Variants in PLB1 observed in about 807,000 individuals in gnomAD.
The protein encoded by PLB1 is phospholipase B1, membrane-associated.
Under a neutral mutation model 227.4 loss-of-function variants are expected in PLB1, and 242 were observed. That is an observed-to-expected ratio of 1.06 (90% CI 0.96 to 1.18). PLB1 has a LOEUF of 1.18. Among genes scored for constraint, PLB1 ranks in the 50% most tolerant of loss-of-function variants. PLB1 has a pLI of 0.00. For synonymous variants in PLB1, 757 were observed against 682.2 expected (o/e 1.11, Z -1.71); for missense variants, 1,858 against 1,816.3 (o/e 1.02, Z -0.42).
At chr2:28,542,171 G>A (rs1276255051) in intron 13 of PLB1, among the ~76,000 whole-genome samples, 1 of 151,928 alleles carries the variant, frequency 6.6e-6, no homozygotes, top group Non-Finnish European at 1.5e-5. Context: ...GTGGTGGGGA[G>A]GAGGCCTGGG....
intron 18 of PLB1, 103 bp downstream of exon 18, chr2:28,563,202 A>G: frequency 8.7e-7 from 1 of 1,154,776 alleles, no homozygotes; most frequent in South Asian, 1.3e-5. Context: ...CCTGGCTCTT[A>G]GATGCTACCA....
At chr2:28,583,999 G>A (rs559386805) in intron 25 of PLB1, among the ~76,000 whole-genome samples, 5 of 152,254 alleles carry the variant, frequency 3.3e-5, no homozygotes, top group African/African-American at 1.2e-4. Context: ...CTTCCTTCCT[G>A]CAGGTTTTCC....
At chr2:28,515,311 G>A (rs1398795535) in intron 1 of PLB1, among the ~76,000 whole-genome samples, 1 of 152,104 alleles carries the variant, frequency 6.6e-6, no homozygotes, top group Non-Finnish European at 1.5e-5. Context: ...TGGCATTTGT[G>A]GCTCCCCAGC....
At chr2:28,579,468 A>G (rs1029341788) in intron 22 of PLB1, among the ~76,000 whole-genome samples, 159 bp from the exon 23 acceptor site, 2 of 152,200 alleles carry the variant, frequency 1.3e-5, no homozygotes, top group African/African-American at 4.8e-5. Flanking sequence ...TTTAGCACCT[A>G]TGATCTCAGG....
At chr2:28,601,809 G>T (rs1168034018) in intron 37 of PLB1, 90 bp from the exon 38 acceptor site, 2 of 1,142,006 alleles carry the variant, frequency 1.8e-6, no homozygotes, top group Non-Finnish European at 2.6e-6. Context: ...CAAGTCCTCA[G>T]GGCTGGAGCC....
intron 1 of PLB1, among the ~76,000 whole-genome samples, chr2:28,506,705 A>G (rs1291974440): frequency 1.3e-5 from 2 of 152,128 alleles, no homozygotes; most frequent in Non-Finnish European, 2.9e-5. Context: ...GAGTGGCATG[A>G]CGCAAGTGGT....
At chr2:28,586,088 G>C (rs779842938) in intron 26 of PLB1, among the ~76,000 whole-genome samples, 1 of 152,140 alleles carries the variant, frequency 6.6e-6, no homozygotes, top group Non-Finnish European at 1.5e-5. Flanking sequence ...TAAATGAAAC[G>C]AACGTTTCCA....
At chr2:28,541,342 G>A (rs998223068) in intron 12 of PLB1, among the ~76,000 whole-genome samples, 7 of 152,168 alleles carry the variant, frequency 4.6e-5, no homozygotes, top group Admixed American at 1.3e-4. Context: ...TATCTCTCTC[G>A]CTCTGGAAAT....
chr2:28,613,927 A>G lies in PLB1; in HGVS notation c.3130-104A>G, dbSNP rs988012449. On this transcript the variant is annotated intron_variant, in intron 43 of 57. Transcript: ENST00000327757. Reference sequence around the variant, plus strand: ...GTTCTTTCTATATAAGTGCAGAAGAATCATGTTAAATAAATCTACAGGGCA... The same window carrying G: ...GTTCTTTCTATATAAGTGCAGAAGAGTCATGTTAAATAAATCTACAGGGCA... The G allele has an allele frequency of 4.3e-6, 4 of 925,228 alleles. No homozygotes were observed. In the African/African-American group the frequency reaches 6.6e-5, roughly 15 times the overall value. 57.3% of individuals were successfully genotyped at this position (925,228 alleles called of 1,614,324 possible).
At chr2:28,538,425 A>ATT (rs1469581177) in intron 10 of PLB1, 44 bp downstream of exon 10, 1 of 1,565,904 alleles carries the variant, frequency 6.4e-7, no homozygotes, top group South Asian at 1.1e-5. Flanking sequence ...AGTGGGGCCC[A>ATT]TTTACCCTCA....
At chr2:28,600,314 A>G (rs557448912) in intron 35 of PLB1, among the ~76,000 whole-genome samples, 1 of 152,364 alleles carries the variant, frequency 6.6e-6, no homozygotes, top group Non-Finnish European at 1.5e-5. Flanking sequence ...AATATACGTA[A>G]GAGAAAAATC....
At position 28,602,858 on chromosome 2, in the gene PLB1, A is replaced by T; in HGVS notation, c.2711A>T (p.Asn904Ile). 6.2e-7 allele frequency: 1 copy of T among 1,614,062 alleles called. No homozygotes were observed. The highest frequency in any genetic ancestry group is 8.5e-7 in the Non-Finnish European group (1 of 1,179,984). Residue 904 changes from asparagine to isoleucine, a missense_variant, in exon 39 of 58, where the codon AAC becomes ATC. Physicochemically the swap from Asn to Ile is moderately radical, Grantham distance 149 (BLOSUM62 -3). Transcript: ENST00000327757. ...CTGGTCAACCTCGTGGACTTCCTGA[A>T]CCCCACTATCATGCGGCAGGTGTTC... is the stretch of plus-strand genomic sequence containing the variant. ...RVLVNLVDFLNPTIMRQVFLG... is the reference protein window; with the variant it reads ...RVLVNLVDFLIPTIMRQVFLG...
intron 25 of PLB1, among the ~76,000 whole-genome samples, chr2:28,584,075 G>A (rs921238584): frequency 3.3e-5 from 5 of 152,032 alleles, no homozygotes; most frequent in South Asian, 4.1e-4. Context: ...TCTGTTACTC[G>A]GTACAGGTCC....
intron 4 of PLB1, among the ~76,000 whole-genome samples, chr2:28,521,068 C>T (rs1028113485): frequency 1.3e-5 from 2 of 152,182 alleles, no homozygotes; most frequent in African/African-American, 2.4e-5. Context: ...CTTCACTTAG[C>T]ATAATGTCCT....
intron 51 of PLB1, among the ~76,000 whole-genome samples, chr2:28,627,132 A>G (rs1221529590): frequency 6.6e-6 from 1 of 152,196 alleles, no homozygotes; most frequent in Non-Finnish European, 1.5e-5. Context: ...TGACAGTCAC[A>G]GATGGTGGTG....
intron 16 of PLB1, among the ~76,000 whole-genome samples, chr2:28,550,525 ATT>A (rs34468949): frequency 0.011 from 1,407 of 132,120 alleles, 13 homozygotes; most frequent in Admixed American, 0.015. Flanking sequence ...CCTCAATACA[ATT>A]TTTTTTTTTT....
intron 32 of PLB1, 162 bp downstream of exon 32, chr2:28,592,881 T>G (rs1682219987): frequency 3.2e-6 from 2 of 629,262 alleles, no homozygotes; most frequent in African/African-American, 3.8e-5. Flanking sequence ...TTGCGGCCAC[T>G]TTCTCAAACG....
chr2:28,536,963 C>A (rs541333768), intron 9 of PLB1, among the ~76,000 whole-genome samples: 2 of 152,150 alleles, frequency 1.3e-5, no homozygotes, highest in Non-Finnish European at 2.9e-5. Flanking sequence ...TCTCCAGGGA[C>A]GGTGGGTATG....
intron 56 of PLB1, among the ~76,000 whole-genome samples, chr2:28,637,466 A>T (rs1378924370): frequency 1.3e-5 from 2 of 152,126 alleles, no homozygotes; most frequent in African/African-American, 2.4e-5. Context: ...GCTGCCTTAG[A>T]TCTGGTCCCC....
Sources: allele counts gnomAD v4.1 joint callset (sites outside exome capture counted in the v4.1 genomes callset), GRCh38; gene constraint gnomAD v4.1.1; transcripts MANE v1.5; gene names NCBI Gene and HGNC (gene_info 2026-07-23, HGNC 2026-07-21).